The following MAGI1 variants were observed in gnomAD, a reference collection of about 807,000 sequenced individuals.
MAGI1 encodes membrane-associated guanylate kinase, WW and PDZ domain-containing protein 1.
A neutral mutation model predicts 139.9 loss-of-function variants in MAGI1; 58 were observed. That is an observed-to-expected ratio of 0.41 (90% CI 0.34 to 0.52). MAGI1 has a LOEUF of 0.52. MAGI1 is among the 20% of genes least tolerant of loss of function. The pLI is 0.12. For synonymous variants in MAGI1, 812 were observed against 737.9 expected (o/e 1.10, Z -1.63); for missense variants, 1,874 against 1,901.6 (o/e 0.99, Z 0.27).
intron 2 of MAGI1, among the ~76,000 whole-genome samples, chr3:65,616,704 C>G (rs2106999095): frequency 6.6e-6 from 1 of 152,280 alleles, no homozygotes; most frequent in South Asian, 2.1e-4. Context: ...ATCTCTTTAT[C>G]TGATCAGTCC....
At chr3:66,003,587 A>T (rs539013803) in intron 1 of MAGI1, among the ~76,000 whole-genome samples, 4 of 151,398 alleles carry the variant, frequency 2.6e-5, no homozygotes, top group South Asian at 2.1e-4. Context: ...CCTCCTGAGT[A>T]GCTGGGATTA....
At chr3:65,477,460 A>G (rs538555408) in intron 4 of MAGI1, among the ~76,000 whole-genome samples, 2 of 152,280 alleles carry the variant, frequency 1.3e-5, no homozygotes, top group South Asian at 4.1e-4. Flanking sequence ...TCATATGTTG[A>G]AAACGGATAA....
At position 65,379,481 on chromosome 3, in the gene MAGI1, T is replaced by G. The variant is rs1942854036; in HGVS notation, c.2775A>C (p.Thr925=). The change falls in exon 17 of 23, where the codon ACA becomes ACC. Residue 925 remains threonine (T), a synonymous_variant. Coordinates refer to ENST00000402939, the MANE Select transcript of MAGI1 (RefSeq NM_001033057.2). ...TGCCCTGCGGAGTGCGCTTCTCTTC[T>G]GTCAGCGAGGCCGGCTGGTTGCTAC... is the stretch of plus-strand genomic sequence containing the variant. The part of the protein sequence containing the change: ...HHSSNQPASL[T]EEKRTPQGSQ... The G allele has an allele frequency of 6.2e-7, 1 of 1,613,978 alleles. No homozygotes were observed. The highest frequency in any genetic ancestry group is 2.2e-5 in the East Asian group (1 of 44,862).
intron 2 of MAGI1, among the ~76,000 whole-genome samples, chr3:65,515,777 TA>T (rs1162257144): frequency 6.6e-6 from 1 of 152,218 alleles, no homozygotes; most frequent in African/African-American, 2.4e-5. Flanking sequence ...GGCTTCATTG[TA>T]ATCAACACCA....
At chr3:65,745,084 A>C (rs1273973262) in intron 1 of MAGI1, among the ~76,000 whole-genome samples, 1 of 152,096 alleles carries the variant, frequency 6.6e-6, no homozygotes, top group African/African-American at 2.4e-5. Context: ...TGGCATATTT[A>C]ACTTAGCATA....
chr3:65,670,095 A>G (rs1393277425), intron 1 of MAGI1, among the ~76,000 whole-genome samples: 3 of 152,158 alleles, frequency 2.0e-5, no homozygotes, highest in African/African-American at 7.2e-5. Flanking sequence ...TTTCGATTTT[A>G]GCAGAATTCA....
chr3:65,356,738 G>T lies in MAGI1; in HGVS notation c.4029C>A (p.His1343Gln), dbSNP rs750777961. The change falls in exon 23 of 23, where the codon CAC becomes CAA. Residue 1343 changes from histidine (H) to glutamine (Q), a missense_variant. Physicochemically the swap from His to Gln is conservative, Grantham distance 24. Transcript: ENST00000402939. Reference sequence around the variant, plus strand: ...CCGGAGAGACGTCTCGTCTCTTCTCGTGCTTCTCCCTCCTCTCCAAAGTGT... The same window carrying T: ...CCGGAGAGACGTCTCGTCTCTTCTCTTGCTTCTCCCTCCTCTCCAAAGTGT... ...ADNTLERREKHEKRRDVSPER... is the reference protein window; with the variant it reads ...ADNTLERREKQEKRRDVSPER... 239 of 1,596,064 alleles carry T rather than the reference G, an allele frequency of 1.5e-4. No homozygotes were observed. The highest frequency in any genetic ancestry group is 2.0e-4 in the Non-Finnish European group (232 of 1,171,738).
At chr3:65,961,388 C>T (rs924550613) in intron 1 of MAGI1, among the ~76,000 whole-genome samples, 1 of 152,178 alleles carries the variant, frequency 6.6e-6, no homozygotes, top group African/African-American at 2.4e-5. Context: ...CTGTTATTTT[C>T]AACTCCAGTT....
intron 2 of MAGI1, among the ~76,000 whole-genome samples, chr3:65,560,773 A>G (rs1443416279): frequency 6.6e-6 from 1 of 152,200 alleles, no homozygotes; most frequent in Non-Finnish European, 1.5e-5. Flanking sequence ...GGTGCCCACT[A>G]AAAACAACAA....
intron 2 of MAGI1, among the ~76,000 whole-genome samples, chr3:65,542,018 A>T (rs2079254400): frequency 6.6e-6 from 1 of 152,206 alleles, no homozygotes; most frequent in Non-Finnish European, 1.5e-5. Context: ...ATATTTAGAA[A>T]ACCCCATCCT....
At chr3:65,856,491 TG>T (rs1390850292) in intron 1 of MAGI1, among the ~76,000 whole-genome samples, 1 of 152,190 alleles carries the variant, frequency 6.6e-6, no homozygotes, top group Admixed American at 6.5e-5. Flanking sequence ...TGATCCAATT[TG>T]ACCCAAACTG....
chr3:65,379,081 A>G (rs1244801372), intron 17 of MAGI1, 180 bp downstream of exon 17: 17 of 1,326,940 alleles, frequency 1.3e-5, no homozygotes, highest in South Asian at 2.7e-5. Flanking sequence ...AATATTCCCA[A>G]CCTTCAAAAG....
Position 65,808,049 on chromosome 3 carries a change from G to A in MAGI1, c.314-185961C>T, listed in dbSNP as rs1455682060. The stretch of plus-strand genomic sequence containing the variant: ...TGGCTCTTGTTGCCCAGGCTGGAGT[G>A]ATCTTGGCTCACTGCAACCTCTGCC... On this transcript the variant is annotated intron_variant, in intron 1 of 22. Transcript: ENST00000402939. Among the ~76,000 whole-genome samples the A allele has an allele frequency of 3.3e-5, 5 of 151,386 alleles. No homozygotes were observed. The Middle Eastern group carries it at 0.014, about 418-fold the overall frequency.
intron 1 of MAGI1, among the ~76,000 whole-genome samples, chr3:65,700,449 C>CAAAA: frequency 6.9e-6 from 1 of 144,912 alleles, no homozygotes; most frequent in Non-Finnish European, 1.5e-5. Flanking sequence ...GACTCCATCT[C>CAAAA]AAAATAAATA....
At chr3:65,964,539 G>A (rs1367788508) in intron 1 of MAGI1, among the ~76,000 whole-genome samples, 1 of 151,860 alleles carries the variant, frequency 6.6e-6, no homozygotes, top group Non-Finnish European at 1.5e-5. Context: ...GGGGGCGGGG[G>A]GAACCACCAT....
In MAGI1 at chr3:65,843,189, G is replaced by T. The variant is rs142473810; in HGVS notation, c.313+194807C>A. Among the ~76,000 whole-genome samples the T allele has an allele frequency of 9.4e-4, 143 of 152,298 alleles. 1 individual carries two copies. The highest frequency in any genetic ancestry group is 3.3e-3 in the African/African-American group (138 of 41,572). Reference sequence around the variant, plus strand: ...TATAAAAAGATTGTCTTCTGTCTTAGGTGATCTCTCATTATCTCCTGGATC... The same window carrying T: ...TATAAAAAGATTGTCTTCTGTCTTATGTGATCTCTCATTATCTCCTGGATC... On this transcript the variant is annotated intron_variant, in intron 1 of 22. Coordinates refer to ENST00000402939, the MANE Select transcript of MAGI1 (RefSeq NM_001033057.2).
intron 1 of MAGI1, among the ~76,000 whole-genome samples, chr3:65,770,954 G>A (rs149854473): frequency 0.029 from 4,402 of 151,994 alleles, 80 homozygotes; most frequent in Middle Eastern, 0.045. Context: ...GCCTCCCAAA[G>A]TGCTGGGATT....
chr3:65,371,398 A>G (rs1320569611), intron 18 of MAGI1, among the ~76,000 whole-genome samples: 3 of 152,240 alleles, frequency 2.0e-5, no homozygotes, highest in Non-Finnish European at 4.4e-5. Context: ...TAAAAACACT[A>G]CATACCTTAA....
At chr3:65,750,960 T>A (rs146282985) in intron 1 of MAGI1, among the ~76,000 whole-genome samples, 1 of 152,206 alleles carries the variant, frequency 6.6e-6, no homozygotes, top group Non-Finnish European at 1.5e-5. Flanking sequence ...TTTCTTTATA[T>A]AAGATGCACC....
Sources: allele counts gnomAD v4.1 joint callset (sites outside exome capture counted in the v4.1 genomes callset), GRCh38; gene constraint gnomAD v4.1.1; transcripts MANE v1.5; gene names NCBI Gene and HGNC (gene_info 2026-07-23, HGNC 2026-07-21).